TIMM23: variants seen among roughly 807,000 people sequenced by gnomAD.
The protein encoded by TIMM23 is mitochondrial import inner membrane translocase subunit Tim23.
A neutral mutation model predicts 30.7 loss-of-function variants in TIMM23; 19 were observed. The ratio of observed to expected loss-of-function variants is 0.62; its 90% CI spans 0.43 to 0.91. The LOEUF is 0.91. Among genes scored for constraint, TIMM23 ranks in the 40% least tolerant of loss-of-function variants. The pLI, the probability that TIMM23 is intolerant of heterozygous loss-of-function variation, is 0.00. For missense variants in TIMM23, 202 were observed against 269.2 expected, an observed-to-expected ratio of 0.75 and a Z score of 1.75; for synonymous variants, 78 against 98.5, an observed-to-expected ratio of 0.79 and a Z score of 1.23.
intron 6 of TIMM23, chr10:45,992,453 C>G (rs1838192430): frequency 6.6e-6 from 3 of 455,748 alleles, no homozygotes; most frequent in African/African-American, 2.0e-5. Context: ...CGTAGACTCT[C>G]CTTAGGAGAA....
chr10:46,001,045 GC>G (rs1554917619), intron 6 of TIMM23, among the ~76,000 whole-genome samples: 2 of 152,156 alleles, frequency 1.3e-5, no homozygotes, highest in African/African-American at 4.8e-5. Flanking sequence ...ATTCTCCTGT[GC>G]CTCATGGCTT....
At chr10:46,001,183 T>A (rs536347857) in intron 6 of TIMM23, among the ~76,000 whole-genome samples, 3 of 152,336 alleles carry the variant, frequency 2.0e-5, no homozygotes, top group African/African-American at 7.2e-5. Context: ...ATACACTATT[T>A]TCCAATTAGT....
At chr10:45,998,639 C>A (rs1838418490) in intron 6 of TIMM23, among the ~76,000 whole-genome samples, 1 of 152,034 alleles carries the variant, frequency 6.6e-6, no homozygotes, top group East Asian at 1.9e-4. Context: ...TAAAAGGCCA[C>A]CCTTGAGTAA....
intron 6 of TIMM23, chr10:46,002,529 C>A (rs1318208204): frequency 1.0e-6 from 1 of 981,624 alleles, no homozygotes; most frequent in Non-Finnish European, 1.2e-6. Flanking sequence ...GTTGTTAATA[C>A]TCTTTCCAAA....
At chr10:45,999,310 C>G (rs1838446802) in intron 6 of TIMM23, among the ~76,000 whole-genome samples, 3 of 152,120 alleles carry the variant, frequency 2.0e-5, no homozygotes. Context: ...CTAGCTAATT[C>G]TTTACATTTT....
At chr10:45,986,424 C>T (rs1837990513) in intron 5 of TIMM23, among the ~76,000 whole-genome samples, 1 of 150,458 alleles carries the variant, frequency 6.6e-6, no homozygotes, top group Non-Finnish European at 1.5e-5. Flanking sequence ...CCCCGCCCAC[C>T]CCGCCCCACA....
At chr10:45,992,198 A>G (rs1438495220) in intron 6 of TIMM23, among the ~76,000 whole-genome samples, 1 of 152,108 alleles carries the variant, frequency 6.6e-6, no homozygotes, top group Non-Finnish European at 1.5e-5. Flanking sequence ...GGCTGGCCTC[A>G]AGCAATCCTC....
At chr10:45,997,866 T>C (rs1436383731) in intron 6 of TIMM23, among the ~76,000 whole-genome samples, 1 of 152,224 alleles carries the variant, frequency 6.6e-6, no homozygotes. Flanking sequence ...ATGTACTTAA[T>C]GCCTCTGAAA....
chr10:46,003,099 C>G, intron 6 of TIMM23, 104 bp from the exon 7 acceptor site: 1 of 872,908 alleles, frequency 1.1e-6, no homozygotes, highest in South Asian at 1.6e-5. Context: ...TTACCTGAGC[C>G]ACCGTGCCCA....
chr10:45,977,874 A>AAT (rs200863716), intron 2 of TIMM23, among the ~76,000 whole-genome samples: 2 of 151,430 alleles, frequency 1.3e-5, no homozygotes, highest in Admixed American at 1.3e-4. Context: ...TCTACTAAAA[A>AAT]ACAAAAATTA....
intron 2 of TIMM23, among the ~76,000 whole-genome samples, chr10:45,981,921 AG>A (rs1207503214): frequency 6.6e-6 from 1 of 152,118 alleles, no homozygotes; most frequent in East Asian, 1.9e-4. Flanking sequence ...TCTCAGTCTT[AG>A]TATTTTGGAT....
intron 2 of TIMM23, among the ~76,000 whole-genome samples, chr10:45,982,274 A>G (rs1837873619): frequency 6.6e-6 from 1 of 152,202 alleles, no homozygotes; most frequent in Admixed American, 6.5e-5. Context: ...GCACAAATCT[A>G]TCAGATTTAC....
intron 4 of TIMM23, chr10:45,984,476 T>G (rs1474227617): frequency 1.3e-5 from 2 of 152,380 alleles, no homozygotes; most frequent in African/African-American, 2.4e-5. Flanking sequence ...ATACTTCTGT[T>G]TGTAAACATT....
chr10:45,996,149 C>T (rs1327888707), intron 6 of TIMM23, among the ~76,000 whole-genome samples: 1 of 141,538 alleles, frequency 7.1e-6, no homozygotes, highest in Non-Finnish European at 1.5e-5. Context: ...ATCACAATGT[C>T]AGGAGATTGA....
At chr10:45,981,375 A>C (rs1253190792) in intron 2 of TIMM23, among the ~76,000 whole-genome samples, 2 of 149,124 alleles carry the variant, frequency 1.3e-5, no homozygotes, top group African/African-American at 5.0e-5. Context: ...AAAAACTCAA[A>C]CAAAAAGCAG....
In TIMM23 at chr10:45,972,576, C is replaced by T. The variant is rs1331658703; in HGVS notation, c.-49C>T. 8.2e-6 allele frequency: 13 copies of T among 1,587,648 alleles called. No individual in the cohort carries two copies. The highest frequency in any genetic ancestry group is 1.0e-5 in the Non-Finnish European group (12 of 1,165,582). ...ATTGAGGAGTAACGGCCCAGCGGAC[C>T]ACCCAGGCTTGAGGCAGCGGCGGGA... On this transcript the variant is annotated 5_prime_UTR_variant, in exon 1 of 7. Transcript: ENST00000580018.
Position 45,982,632 on chromosome 10 carries a change from T to C in TIMM23, c.259+16T>C. 1 of 1,613,816 alleles carries C rather than the reference T, an allele frequency of 6.2e-7. No individual in the cohort carries two copies. Among genetic ancestry groups the C allele is most frequent in the Non-Finnish European group, 8.5e-7 (1 of 1,179,834 alleles). ...TGCATGACAGGTGAGTGTTACATAC[T>C]TTTTTCTCAAGAGTGCTCAGTTCAA... is the stretch of plus-strand genomic sequence containing the variant. On this transcript the variant is annotated intron_variant, in intron 3 of 6. Transcript: ENST00000580018.
chr10:45,980,733 CAA>C (rs1248669215), intron 2 of TIMM23, among the ~76,000 whole-genome samples: 2 of 152,040 alleles, frequency 1.3e-5, no homozygotes, highest in African/African-American at 4.8e-5. Flanking sequence ...ACAGGTTTAA[CAA>C]GAGGTTTTTA....
At chr10:45,993,199 C>G (rs1838218610) in intron 6 of TIMM23, among the ~76,000 whole-genome samples, 1 of 145,630 alleles carries the variant, frequency 6.9e-6, no homozygotes, top group Non-Finnish European at 1.5e-5. Flanking sequence ...CCAAATGACC[C>G]TTCTAGTACT....
Sources: allele counts gnomAD v4.1 joint callset (sites outside exome capture counted in the v4.1 genomes callset), GRCh38; gene constraint gnomAD v4.1.1; transcripts MANE v1.5; gene names NCBI Gene and HGNC (gene_info 2026-07-23, HGNC 2026-07-21).